Variants in NAE1 observed in about 807,000 individuals in gnomAD.
The protein encoded by NAE1 is NEDD8-activating enzyme E1 regulatory subunit.
In NAE1, 59 loss-of-function variants were observed where a neutral mutation model predicts 88.0. The ratio of observed to expected loss-of-function variants is 0.67; its 90% confidence interval spans 0.54 to 0.83. The LOEUF (loss-of-function observed/expected upper bound fraction) is 0.83. NAE1 is among the 40% of genes least tolerant of loss of function. NAE1 has a pLI of 0.00. For missense variants in NAE1, 554 were observed against 632.8 expected (o/e 0.88, Z 1.34); for synonymous variants, 186 against 208.9 (o/e 0.89, Z 0.95).
At chr16:66,814,423 T>C (rs1034235890) in intron 11 of NAE1, among the ~76,000 whole-genome samples, 1 of 151,900 alleles carries the variant, frequency 6.6e-6, no homozygotes, top group Non-Finnish European at 1.5e-5. Flanking sequence ...AGACCCCGTC[T>C]ATAGAAAACA....
chr16:66,826,800 T>A lies in NAE1; in HGVS notation c.54-20A>T, dbSNP rs1460325168. ...CACAACCTACAAAACAGACACAAAT[T>A]TGATGTTTTTAAAACTTTCATGAAA... On this transcript the variant is annotated intron_variant, in intron 1 of 19. Coordinates refer to ENST00000290810, the MANE Select transcript of NAE1 (RefSeq NM_003905.4). 6.3e-7 allele frequency: 1 copy of A among 1,576,912 alleles called. No individual in the cohort carries two copies. The highest frequency in any genetic ancestry group is 2.2e-5 in the East Asian group (1 of 44,586).
At position 66,830,864 on chromosome 16, in the gene NAE1, C is replaced by T. The variant is rs948893339; in HGVS notation, c.36G>A (p.Lys12=). Residue 12 remains lysine, a synonymous_variant, in exon 1 of 20, where the codon AAG becomes AAA. Coordinates refer to ENST00000290810, the MANE Select transcript of NAE1 (RefSeq NM_003905.4). The stretch of plus-strand genomic sequence containing the variant: ...CGGCTCACCTCAGCTGCCGGTCGTA[C>T]TTCTGCTCCTTGAGCAGCTTTCCCA... ...AQLGKLLKEQ[K]YDRQLRLWGD... is the part of the protein sequence containing the mutation. 2.6e-6 allele frequency: 4 copies of T among 1,531,962 alleles called. No homozygotes were observed. The African/African-American group carries it at 4.3e-5, about 16-fold the overall frequency. The allele number at this position is 1,531,962 out of a possible 1,614,324, so 94.9% of individuals were successfully genotyped here. A position where few individuals can be genotyped will look rare whatever the true frequency, so the allele number is the denominator to read the frequency against.
intron 6 of NAE1, among the ~76,000 whole-genome samples, chr16:66,822,933 G>C (rs1255630617): frequency 1.3e-5 from 2 of 149,052 alleles, no homozygotes; most frequent in Non-Finnish European, 3.0e-5. Flanking sequence ...CTCCCAAAGT[G>C]CTGGGATTAC....
intron 7 of NAE1, 132 bp from the exon 8 acceptor site, chr16:66,818,769 G>A (rs987559466): frequency 8.1e-7 from 1 of 1,234,930 alleles, no homozygotes; most frequent in Non-Finnish European, 1.1e-6. Context: ...CTCCTGGGCT[G>A]AAGGGATCCT....
chr16:66,806,484 G>A (rs1036102761), intron 17 of NAE1, among the ~76,000 whole-genome samples: 81 of 151,844 alleles, frequency 5.3e-4, no homozygotes, highest in Non-Finnish European at 2.6e-4. Context: ...GAGTGCAGTG[G>A]TGCAGTCTCG....
chr16:66,803,179 C>T, intron 19 of NAE1, 61 bp from the exon 20 acceptor site: 1 of 1,139,482 alleles, frequency 8.8e-7, no homozygotes, highest in South Asian at 1.3e-5. Context: ...GTTACATACT[C>T]AATTCTGTAA....
At position 66,826,795 on chromosome 16, in the gene NAE1, C is replaced by G. The variant is rs772061725; in HGVS notation, c.54-15G>C. ...CACCCCACAACCTACAAAACAGACA[C>G]AAATTTGATGTTTTTAAAACTTTCA... On this transcript the variant is annotated splice_polypyrimidine_tract_variant and intron_variant, in intron 1 of 19. Coordinates refer to ENST00000290810, the MANE Select transcript of NAE1 (RefSeq NM_003905.4). 3.8e-6 allele frequency: 6 copies of G among 1,577,410 alleles called. No individual in the cohort carries two copies. In the South Asian group the frequency reaches 7.0e-5, roughly 18 times the overall value.
At chr16:66,827,834 T>C (rs1391287631) in intron 1 of NAE1, 2 of 651,006 alleles carry the variant, frequency 3.1e-6, no homozygotes, top group Admixed American at 2.7e-5. Flanking sequence ...CTCCAGAGCA[T>C]GTCAAGCAAC....
chr16:66,814,111 A>G (rs1449092217), intron 11 of NAE1, among the ~76,000 whole-genome samples: 2 of 152,202 alleles, frequency 1.3e-5, no homozygotes, highest in Non-Finnish European at 2.9e-5. Flanking sequence ...AAGGGGCCCC[A>G]GTAAATTATT....
At chr16:66,813,958 T>C in intron 11 of NAE1, 112 bp from the exon 12 acceptor site, 1 of 995,260 alleles carries the variant, frequency 1.0e-6, no homozygotes, top group Non-Finnish European at 1.5e-6. Context: ...TGTAATCAAA[T>C]ACAAACTTCT....
intron 1 of NAE1, chr16:66,828,096 C>A: frequency 6.3e-7 from 1 of 1,575,478 alleles, no homozygotes. Context: ...ACCAGATGGA[C>A]CGTAAACGCC....
At chr16:66,816,785 T>C in intron 10 of NAE1, 113 bp from the exon 11 acceptor site, 1 of 1,264,252 alleles carries the variant, frequency 7.9e-7, no homozygotes, top group Non-Finnish European at 1.1e-6. Context: ...TAAGAAGAAA[T>C]ACGGCTTATC....
chr16:66,816,150 C>A (rs1241170984), intron 11 of NAE1, among the ~76,000 whole-genome samples: 3 of 152,116 alleles, frequency 2.0e-5, no homozygotes, highest in Non-Finnish European at 4.4e-5. Context: ...GGTCAGACCT[C>A]AACAACTAAG....
chr16:66,819,732 C>G (rs946110188), intron 7 of NAE1, among the ~76,000 whole-genome samples: 5 of 152,098 alleles, frequency 3.3e-5, no homozygotes, highest in Non-Finnish European at 7.4e-5. Context: ...TGGAGCATTT[C>G]TGATTTTGGA....
intron 1 of NAE1, 26 bp from the exon 2 acceptor site, chr16:66,826,806 T>C (rs1960481573): frequency 1.9e-6 from 3 of 1,568,886 alleles, no homozygotes; most frequent in Admixed American, 4.1e-5. Flanking sequence ...AAATTTGATG[T>C]TTTTAAAACT....
At chr16:66,819,404 G>A (rs1264665573) in intron 7 of NAE1, among the ~76,000 whole-genome samples, 3 of 152,224 alleles carry the variant, frequency 2.0e-5, no homozygotes, top group Non-Finnish European at 4.4e-5. Context: ...AGAGAGGACA[G>A]GAGAGTGTAT....
chr16:66,808,884 T>G, intron 16 of NAE1, 105 bp downstream of exon 16: 1 of 723,008 alleles, frequency 1.4e-6, no homozygotes, highest in Non-Finnish European at 2.2e-6. Context: ...ATGTTTACGT[T>G]ATCTTTAATA....
In NAE1 at chr16:66,813,443, G is replaced by C. The variant is rs1015848867; in HGVS notation, c.1034+121C>G. On this transcript the variant is annotated intron_variant, in intron 13 of 19. Coordinates refer to ENST00000290810, the MANE Select transcript of NAE1 (RefSeq NM_003905.4). The stretch of plus-strand genomic sequence containing the variant: ...GGCATGAGCCACTGCAGCTGGCCTA[G>C]TTTATTTATAAGCAATGAGGTTGTA... The C allele has an allele frequency of 5.6e-6, 7 of 1,252,826 alleles. No homozygotes were observed. In the African/African-American group the frequency reaches 1.1e-4, roughly 19 times the overall value. 77.6% of individuals were successfully genotyped at this position (1,252,826 alleles called of 1,614,324 possible).
intron 1 of NAE1, chr16:66,827,809 T>C (rs1960526416): frequency 3.3e-6 from 2 of 599,516 alleles, no homozygotes; most frequent in Admixed American, 5.8e-5. Flanking sequence ...CCCCTTATTA[T>C]GTAGTCAGTA....
Sources: gnomAD v4.1 joint callset for allele counts (sites outside exome capture counted in the v4.1 genomes callset) on GRCh38, gnomAD v4.1.1 for gene constraint, MANE v1.5 for transcripts, NCBI Gene and HGNC (gene_info 2026-07-23, HGNC 2026-07-21) for gene names.